KCNH1: variants seen among roughly 807,000 people sequenced by gnomAD.
KCNH1 encodes voltage-gated delayed rectifier potassium channel KCNH1.
In KCNH1, 27 loss-of-function variants were observed where a neutral mutation model predicts 69.2. That is an observed-to-expected ratio of 0.39 (90% confidence interval 0.29 to 0.54). The LOEUF (loss-of-function observed/expected upper bound fraction) is 0.54, where lower values mean the gene tolerates loss of function less well. Among genes scored for constraint, KCNH1 ranks in the 20% least tolerant of loss-of-function variants. The pLI is 0.68. For synonymous variants in KCNH1, 456 were observed against 487.7 expected (o/e 0.93, Z 0.86); for missense variants, 798 against 1,261.6 (o/e 0.63, Z 5.57).
intron 7 of KCNH1, among the ~76,000 whole-genome samples, chr1:210,897,679 G>C (rs970957999): frequency 6.6e-6 from 1 of 152,204 alleles, no homozygotes; most frequent in Non-Finnish European, 1.5e-5. Flanking sequence ...GCTCCAAGAA[G>C]GTACCAGGCC....
At chr1:210,926,051 G>C (rs1346724849) in intron 6 of KCNH1, among the ~76,000 whole-genome samples, 1 of 152,156 alleles carries the variant, frequency 6.6e-6, no homozygotes, top group Admixed American at 6.5e-5. Flanking sequence ...CTGAGGTCAG[G>C]AGTTCGAGAC....
chr1:210,732,918 G>A (rs116331590), intron 10 of KCNH1, among the ~76,000 whole-genome samples: 2,196 of 152,264 alleles, frequency 0.014, 24 homozygotes, highest in Non-Finnish European at 0.022. Flanking sequence ...GGGGAAACAC[G>A]AACATTCAGA....
At chr1:211,009,796 A>G (rs1056542729) in intron 6 of KCNH1, among the ~76,000 whole-genome samples, 9 of 151,956 alleles carry the variant, frequency 5.9e-5, no homozygotes, top group African/African-American at 2.2e-4. Context: ...TTTAGTAGAG[A>G]CCGAGTTTCA....
intron 7 of KCNH1, among the ~76,000 whole-genome samples, chr1:210,912,705 G>T (rs962038225): frequency 3.3e-5 from 5 of 152,282 alleles, no homozygotes; most frequent in Middle Eastern, 3.4e-3. Context: ...TCCCCAAATG[G>T]TACCTCCATT....
chr1:211,118,946 C>T (rs1691636164), intron 1 of KCNH1, among the ~76,000 whole-genome samples: 1 of 152,194 alleles, frequency 6.6e-6, no homozygotes, highest in Non-Finnish European at 1.5e-5. Flanking sequence ...TGGAGGGCTA[C>T]AGTAAGTATT....
chr1:210,987,062 C>T (rs1376888888), intron 6 of KCNH1, among the ~76,000 whole-genome samples: 1 of 152,192 alleles, frequency 6.6e-6, no homozygotes, highest in East Asian at 1.9e-4. Flanking sequence ...ACCCTTTCTT[C>T]CAGGTGAGTG....
chr1:210,804,239 C>G, intron 7 of KCNH1, 73 bp from the exon 8 acceptor site: 1 of 1,345,422 alleles, frequency 7.4e-7, no homozygotes, highest in Non-Finnish European at 1.0e-6. Context: ...CCAGAATGCT[C>G]AGCTTGCTCA....
chr1:211,012,767 T>C (rs746608133), intron 6 of KCNH1, among the ~76,000 whole-genome samples: 1 of 152,188 alleles, frequency 6.6e-6, no homozygotes, highest in Non-Finnish European at 1.5e-5. Context: ...GTGTAAACTA[T>C]AGGCTATATG....
At chr1:211,029,626 C>T (rs1263446494) in intron 5 of KCNH1, among the ~76,000 whole-genome samples, 2 of 152,126 alleles carry the variant, frequency 1.3e-5, no homozygotes, top group Middle Eastern at 3.4e-3. Context: ...TGAAAATTTT[C>T]CCCCTACAAC....
chr1:211,085,554 C>G (rs1419585646), intron 4 of KCNH1, among the ~76,000 whole-genome samples: 1 of 151,430 alleles, frequency 6.6e-6, no homozygotes, highest in African/African-American at 2.4e-5. Context: ...GGGCCTGGAC[C>G]AATGCTGTGG....
chr1:210,718,683 CACACACACAT>C lies in KCNH1; in HGVS notation c.2113-34555_2113-34546del, dbSNP rs1430220307. Among the ~76,000 whole-genome samples the C allele has an allele frequency of 1.6e-3, 177 of 110,516 alleles. 5 individuals carry two copies. The highest frequency in any genetic ancestry group is 3.0e-4 in the Non-Finnish European group (17 of 56,170). The allele number at this position is 110,516 out of a possible 152,430, so 72.5% of individuals were successfully genotyped here. The stretch of plus-strand genomic sequence containing the variant: ...ACACACACACACACACACACACACA[CACACACACAT>C]ATATATATACACACTAAGTCTTCAA... On this transcript the variant is annotated intron_variant, in intron 10 of 10. Coordinates refer to ENST00000271751, the MANE Select transcript of KCNH1 (RefSeq NM_172362.3).
intron 7 of KCNH1, among the ~76,000 whole-genome samples, chr1:210,845,214 C>T (rs1169365270): frequency 2.0e-5 from 3 of 152,156 alleles, no homozygotes; most frequent in Admixed American, 6.5e-5. Context: ...GGGAATCCTC[C>T]CCAACTCATT....
intron 7 of KCNH1, among the ~76,000 whole-genome samples, chr1:210,812,542 G>A (rs1574271671): frequency 6.6e-6 from 1 of 152,172 alleles, no homozygotes; most frequent in African/African-American, 2.4e-5. Context: ...AAAAACTCCT[G>A]TATGAATTTC....
intron 7 of KCNH1, among the ~76,000 whole-genome samples, chr1:210,811,629 A>C (rs60698984): frequency 0.026 from 3,915 of 152,272 alleles, 116 homozygotes; most frequent in East Asian, 0.15. Flanking sequence ...GCCAGCCATT[A>C]CAGCAAAAGC....
intron 7 of KCNH1, among the ~76,000 whole-genome samples, chr1:210,902,674 T>TG (rs531281307): frequency 1.3e-3 from 202 of 152,206 alleles, no homozygotes; most frequent in African/African-American, 4.7e-3. Flanking sequence ...CGTGGTGAAG[T>TG]GGGCCCTCCA....
chr1:210,916,897 T>C (rs939954951), intron 7 of KCNH1, among the ~76,000 whole-genome samples: 1 of 151,980 alleles, frequency 6.6e-6, no homozygotes, highest in Middle Eastern at 3.2e-3. Flanking sequence ...CATGTAATCC[T>C]TGCACTTTGG....
At chr1:210,733,639 TACTTTGTTGGCTAAGAGGAAGACCTC>T (rs1558445789) in intron 10 of KCNH1, among the ~76,000 whole-genome samples, 1 of 152,214 alleles carries the variant, frequency 6.6e-6, no homozygotes, top group African/African-American at 2.4e-5. Flanking sequence ...ATGAGATTTT[TACTTTGTTGGCTAAGAGGAAGACCTC>T]ATGTGACTGA....
At chr1:210,871,972 C>A (rs1486698906) in intron 7 of KCNH1, among the ~76,000 whole-genome samples, 1 of 151,084 alleles carries the variant, frequency 6.6e-6, no homozygotes, top group Non-Finnish European at 1.5e-5. Flanking sequence ...TTAGTGGGTG[C>A]AGCGCACCAG....
chr1:211,012,855 T>C (rs1689419453), intron 6 of KCNH1, among the ~76,000 whole-genome samples: 1 of 152,114 alleles, frequency 6.6e-6, no homozygotes, highest in African/African-American at 2.4e-5. Context: ...TAAGGCAAAA[T>C]GTTAATAGAG....
Sources: allele counts gnomAD v4.1 joint callset (sites outside exome capture counted in the v4.1 genomes callset), GRCh38; gene constraint gnomAD v4.1.1; transcripts MANE v1.5; gene names NCBI Gene and HGNC (gene_info 2026-07-23, HGNC 2026-07-21).